The following ADGRL4 variants were observed in gnomAD, a reference collection of about 807,000 sequenced individuals.
The protein encoded by ADGRL4 is adhesion G protein-coupled receptor L4, also known as EGF, latrophilin and seven transmembrane domain containing 1.
A neutral mutation model predicts 74.8 loss-of-function variants in ADGRL4; 90 were observed. The ratio of observed to expected loss-of-function variants is 1.20; its 90% CI spans 1.02 to 1.43. The LOEUF is 1.43. ADGRL4 is among the 40% of genes most tolerant of loss of function. The pLI is 0.00. For missense variants in ADGRL4, 881 were observed against 814.3 expected, an observed-to-expected ratio of 1.08 and a Z score of -1.00; for synonymous variants, 311 against 279.2, an observed-to-expected ratio of 1.11 and a Z score of -1.14.
At chr1:78,989,972 G>T (rs1009067114) in intron 2 of ADGRL4, among the ~76,000 whole-genome samples, 1 of 151,818 alleles carries the variant, frequency 6.6e-6, no homozygotes, top group African/African-American at 2.4e-5. Context: ...CTTCCTCCAA[G>T]GCCCTGACTC....
chr1:78,906,402 C>G (rs964568105), intron 12 of ADGRL4, among the ~76,000 whole-genome samples: 2 of 151,810 alleles, frequency 1.3e-5, no homozygotes, highest in Non-Finnish European at 2.9e-5. Context: ...AAAACAGAAT[C>G]AAAAGGCAGA....
intron 2 of ADGRL4, among the ~76,000 whole-genome samples, chr1:78,996,324 G>T (rs1288577964): frequency 1.4e-5 from 2 of 138,962 alleles, no homozygotes; most frequent in Non-Finnish European, 3.1e-5. Flanking sequence ...ATATGGAGCT[G>T]CCTGATGTTA....
Position 78,956,958 on chromosome 1 carries a change from T to G in ADGRL4, c.173-10532A>C, listed in dbSNP as rs1649846819. On this transcript the variant is annotated intron_variant, in intron 2 of 14. Coordinates refer to ENST00000370742, the MANE Select transcript of ADGRL4 (RefSeq NM_022159.4). Reference sequence around the variant, plus strand: ...ATTTTTCCAAAAGCACGCGCTCACTTCAAGTCTGTGTCATATTTTGGCAAT... The same window carrying G: ...ATTTTTCCAAAAGCACGCGCTCACTGCAAGTCTGTGTCATATTTTGGCAAT... Among the ~76,000 whole-genome samples, 2 of 152,160 alleles carry G rather than the reference T, an allele frequency of 1.3e-5. 1 individual carries two copies. Among genetic ancestry groups the G allele is most frequent in the South Asian group, 4.1e-4 (2 of 4,828 alleles).
rs773395520 is a variant in ADGRL4, at chr1:78,939,277, G to T, written c.326-19C>A. The T allele has an allele frequency of 6.5e-7, 1 of 1,545,736 alleles. No homozygotes were observed. Among genetic ancestry groups the T allele is most frequent in the Non-Finnish European group, 8.7e-7 (1 of 1,146,590 alleles). Reference sequence around the variant, plus strand: ...ACATTTTCTGTAAAAAAAGAAAATAGATTATACAGTCAGTTTTAAAAAGTA... The same window carrying T: ...ACATTTTCTGTAAAAAAAGAAAATATATTATACAGTCAGTTTTAAAAAGTA... On this transcript the variant is annotated intron_variant, in intron 3 of 14. Coordinates refer to ENST00000370742, the MANE Select transcript of ADGRL4 (RefSeq NM_022159.4).
At chr1:78,908,791 A>G (rs569519478) in intron 12 of ADGRL4, among the ~76,000 whole-genome samples, 7 of 152,052 alleles carry the variant, frequency 4.6e-5, no homozygotes, top group South Asian at 2.1e-4. Context: ...GAGATCCAAG[A>G]GTTTTTAAAA....
At chr1:78,954,368 A>G (rs1649788729) in intron 2 of ADGRL4, among the ~76,000 whole-genome samples, 1 of 152,240 alleles carries the variant, frequency 6.6e-6, no homozygotes, top group South Asian at 2.1e-4. Context: ...AATTTAAAAA[A>G]CAGGGAAAAA....
intron 12 of ADGRL4, among the ~76,000 whole-genome samples, chr1:78,910,113 T>A (rs531094569): frequency 1.3e-5 from 2 of 151,806 alleles, no homozygotes; most frequent in South Asian, 2.1e-4. Flanking sequence ...ATGGGGAGAA[T>A]GAGTGTAGAT....
intron 2 of ADGRL4, among the ~76,000 whole-genome samples, chr1:78,995,875 G>A (rs964692622): frequency 2.0e-5 from 3 of 152,098 alleles, no homozygotes; most frequent in African/African-American, 7.2e-5. Flanking sequence ...CTTTAGCAAA[G>A]AAACACTAAA....
intron 12 of ADGRL4, among the ~76,000 whole-genome samples, chr1:78,895,236 T>C (rs1648368866): frequency 6.6e-6 from 1 of 152,048 alleles, no homozygotes; most frequent in African/African-American, 2.4e-5. Flanking sequence ...CTGATTATAT[T>C]ATCCACATTC....
Position 78,920,266 on chromosome 1 carries a change from T to C in ADGRL4, c.1378A>G (p.Thr460Ala), listed in dbSNP as rs763859013. 4.3e-6 allele frequency: 7 copies of C among 1,612,060 alleles called. 1 individual carries two copies. Among genetic ancestry groups the C allele is most frequent in the Middle Eastern group, 3.3e-4 (2 of 6,066 alleles). ...WFFSEIQSTR[T>A]TIHKNLCCSL... The stretch of plus-strand genomic sequence containing the variant: ...CAGCAAAGATTTTTGTGAATTGTTG[T>C]CCTGGTGCTTTGAATTTCACTGAAG... The change falls in exon 10 of 15, where the codon ACA becomes GCA. Residue 460 changes from threonine (T) to alanine (A), a missense_variant. Coordinates refer to ENST00000370742, the MANE Select transcript of ADGRL4 (RefSeq NM_022159.4).
At chr1:78,953,247 C>T (rs544166813) in intron 2 of ADGRL4, among the ~76,000 whole-genome samples, 9 of 152,008 alleles carry the variant, frequency 5.9e-5, no homozygotes, top group African/African-American at 1.2e-4. Flanking sequence ...ATCAATGGTA[C>T]AGTAAAGATG....
At chr1:78,897,681 T>C (rs1648426315) in intron 12 of ADGRL4, among the ~76,000 whole-genome samples, 1 of 152,180 alleles carries the variant, frequency 6.6e-6, no homozygotes, top group South Asian at 2.1e-4. Flanking sequence ...AAAAAATACT[T>C]ATCTAAAATT....
At chr1:78,927,546 G>A (rs181580958) in intron 7 of ADGRL4, among the ~76,000 whole-genome samples, 238 of 152,140 alleles carry the variant, frequency 1.6e-3, no homozygotes, top group Non-Finnish European at 2.8e-3. Flanking sequence ...ATGCCACTGA[G>A]TTCAAATGTA....
chr1:78,939,836 C>T (rs950748101), intron 3 of ADGRL4: 1 of 152,552 alleles, frequency 6.6e-6, no homozygotes, highest in African/African-American at 2.4e-5. Context: ...TTTTAGTGCT[C>T]ATATGCCTGC....
In ADGRL4 at chr1:79,006,683, G is replaced by A. The variant is rs1650970004; in HGVS notation, c.-29C>T. 3.4e-6 allele frequency: 5 copies of A among 1,478,582 alleles called. No homozygotes were observed. Among genetic ancestry groups the A allele is most frequent in the African/African-American group, 1.5e-5 (1 of 67,898 alleles). 91.6% of individuals were successfully genotyped at this position (1,478,582 alleles called of 1,614,324 possible). ...CGGTGGCCGCAGTGGTGGCGGTGGC[G>A]GAGAGCGCGGCGGAGTGAGTGCGGC... is the stretch of plus-strand genomic sequence containing the variant. On this transcript the variant is annotated 5_prime_UTR_variant, in exon 1 of 15. Transcript: ENST00000370742.
rs528089103 is a variant in ADGRL4 at position 78,917,614 on chromosome 1, A to G, written c.1749+20T>C. On this transcript the variant is annotated intron_variant, in intron 12 of 14. Transcript: ENST00000370742. ...ATCATCACTTTTTTGAATTGTAATA[A>G]CAATTTTATATATACATACAAGAAT... The G allele has an allele frequency of 1.3e-5, 19 of 1,480,408 alleles. No homozygotes were observed. Among genetic ancestry groups the G allele is most frequent in the Non-Finnish European group, 1.7e-5 (19 of 1,098,132 alleles). 91.7% of individuals were successfully genotyped at this position (1,480,408 alleles called of 1,614,324 possible).
chr1:78,956,873 T>G (rs886775103), intron 2 of ADGRL4, among the ~76,000 whole-genome samples: 7 of 152,174 alleles, frequency 4.6e-5, no homozygotes, highest in Non-Finnish European at 2.9e-5. Context: ...TATTGTACTT[T>G]GCAGAAATTG....
intron 7 of ADGRL4, among the ~76,000 whole-genome samples, chr1:78,931,571 C>T (rs1248719288): frequency 3.3e-5 from 5 of 151,290 alleles, no homozygotes; most frequent in Non-Finnish European, 7.4e-5. Flanking sequence ...ATCAAATTCA[C>T]ACATAACAAT....
intron 11 of ADGRL4, 41 bp from the exon 12 acceptor site, chr1:78,917,741 C>A (rs368597122): frequency 9.7e-5 from 154 of 1,584,108 alleles, no homozygotes; most frequent in Non-Finnish European, 1.2e-4. Flanking sequence ...AATATGTTTG[C>A]ATGTATGTTA....
Sources: gnomAD v4.1 joint callset for allele counts (sites outside exome capture counted in the v4.1 genomes callset) on GRCh38, gnomAD v4.1.1 for gene constraint, MANE v1.5 for transcripts, NCBI Gene and HGNC (gene_info 2026-07-23, HGNC 2026-07-21) for gene names.